AHNAK2: variants seen among roughly 807,000 people sequenced by gnomAD.
AHNAK2 encodes the protein AHNAK nucleoprotein 2, also known as protein AHNAK2.
In AHNAK2, 18 loss-of-function variants were observed where a neutral mutation model predicts 30.7. The ratio of observed to expected loss-of-function variants is 0.59; its 90% CI spans 0.41 to 0.87. The LOEUF is 0.87. Ranked by LOEUF, AHNAK2 falls within the 40% of genes least tolerant of loss-of-function variation. AHNAK2 has a pLI of 0.00. For synonymous variants in AHNAK2, 3,590 were observed against 3,073.8 expected, an observed-to-expected ratio of 1.17 and a Z score of -5.56; for missense variants, 8,604 against 7,373.0, an observed-to-expected ratio of 1.17 and a Z score of -6.11.
At chr14:104,975,275 C>T (rs975396785) in intron 1 of AHNAK2, among the ~76,000 whole-genome samples, 7 of 152,216 alleles carry the variant, frequency 4.6e-5, no homozygotes, top group Admixed American at 4.6e-4. Context: ...CTGAGCCTCA[C>T]CCCCTTCCCT....
chr14:104,970,400 A>G (rs1248194501), intron 1 of AHNAK2: 2 of 984,542 alleles, frequency 2.0e-6, no homozygotes, highest in Non-Finnish European at 2.4e-6. Context: ...GCCCCCACAG[A>G]CCCGCGGAAG....
In AHNAK2 at chr14:104,948,819, T is replaced by A. The variant is rs191861598; in HGVS notation, c.6632A>T (p.Lys2211Met). The A allele has an allele frequency of 1.9e-6, 3 of 1,611,628 alleles. No individual in the cohort carries two copies. The highest frequency in any genetic ancestry group is 1.4e-5 in the African/African-American group (1 of 74,058). Reference sequence around the variant, plus strand: ...CACGTCCACCTGGCCAGCCTGGACCTTCACGTCGGCGGAAAGGGGCTGAAT... The same window carrying A: ...CACGTCCACCTGGCCAGCCTGGACCATCACGTCGGCGGAAAGGGGCTGAAT... ...LSIQPLSADV[K>M]VQAGQVDVKL... The change falls in exon 7 of 7, where the codon AAG (lysine) becomes ATG (methionine). Residue 2211 changes from lysine to methionine, a missense_variant. By Grantham distance (95) the Lys-to-Met change is moderately conservative. Coordinates refer to ENST00000333244, the MANE Select transcript of AHNAK2 (RefSeq NM_138420.4).
Position 104,945,589 on chromosome 14 carries a change from C to T in AHNAK2, c.9862G>A (p.Ala3288Thr). 3 of 1,606,980 alleles carry T rather than the reference C, an allele frequency of 1.9e-6. No homozygotes were observed. Among genetic ancestry groups the T allele is most frequent in the East Asian group, 2.2e-5 (1 of 44,690 alleles). Residue 3288 changes from alanine (A) to threonine (T), a missense_variant, in exon 7 of 7, where the codon GCA (alanine) becomes ACA (threonine). Physicochemically the swap from Ala to Thr is moderately conservative, Grantham distance 58 (BLOSUM62 0). Coordinates refer to ENST00000333244, the MANE Select transcript of AHNAK2 (RefSeq NM_138420.4). Reference protein sequence around the residue: ...VEAPGAKLDGARLEGDLSLAD... With the variant: ...VEAPGAKLDGTRLEGDLSLAD... ...AGGGACAGGTCCCCCTCCAGCCGTG[C>T]ACCATCCAACTTGGCTCCTGGGGCC...
chr14:104,940,307 G>A lies in AHNAK2; in HGVS notation c.15144C>T (p.Ser5048=), dbSNP rs1196088989. ...TACCCCCTGCTGTGGCACTAGAAAG[G>A]GAAGGATCCACGTCTCTCTGTGGCA... ...VSLPQRDVDP[S]LSSATAGGSF... is the part of the protein sequence containing the mutation. The change falls in exon 7 of 7, where the codon TCC becomes TCT. Residue 5048 remains serine, a synonymous_variant. Coordinates refer to ENST00000333244, the MANE Select transcript of AHNAK2 (RefSeq NM_138420.4). This position sits in a 1 kb window ranked among gnomAD's most constrained non-coding sequence, Gnocchi z 4.4. 3 of 1,613,642 alleles carry A rather than the reference G, an allele frequency of 1.9e-6. No homozygotes were observed. Among genetic ancestry groups the A allele is most frequent in the South Asian group, 1.1e-5 (1 of 91,066 alleles).
At position 104,946,529 on chromosome 14, in the gene AHNAK2, T is replaced by C. The variant is rs1190987636; in HGVS notation, c.8922A>G (p.Lys2974=). Residue 2974 remains lysine (K), a synonymous_variant, in exon 7 of 7, where the codon AAA becomes AAG. Transcript: ENST00000333244. ...LSLADKDVTA[K]DSKFKMPKFK... is the part of the protein sequence containing the mutation. The stretch of plus-strand genomic sequence containing the variant: ...ACTTGGGCATTTTGAACTTGCTGTC[T>C]TTGGCAGTCACATCCTTGTCGGCCA... 1 of 1,611,672 alleles carries C rather than the reference T, an allele frequency of 6.2e-7. No homozygotes were observed. The highest frequency in any genetic ancestry group is 8.5e-7 in the Non-Finnish European group (1 of 1,179,296).
rs771396721 is a variant in AHNAK2, at chr14:104,943,889, C to A, written c.11562G>T (p.Gln3854His). The change falls in exon 7 of 7, where the codon CAG becomes CAT. Residue 3854 changes from glutamine (Q) to histidine (H), a missense_variant. By Grantham distance (24) the Gln-to-His change is conservative. Coordinates refer to ENST00000333244, the MANE Select transcript of AHNAK2 (RefSeq NM_138420.4). ...GGACCGTCAGGTCGGCAGAATGGGG[C>A]TGAATGCTGAGGTCAGTGGTCTTGA... is the stretch of plus-strand genomic sequence containing the variant. ...GDLKTTDLSI[Q>H]PHSADLTVQA... 8 of 1,613,170 alleles carry A rather than the reference C, an allele frequency of 5.0e-6. No homozygotes were observed. The East Asian group carries it at 1.6e-4, about 32-fold the overall frequency.
chr14:104,950,341 T>G lies in AHNAK2; in HGVS notation c.5110A>C (p.Thr1704Pro). ...GAAGGGGACTGAATGCTGAGGTCAG[T>G]GGTCTTCAGGTCCCCCTGCATGGAG... is the stretch of plus-strand genomic sequence containing the variant. Reference protein sequence around the residue: ...LPSMQGDLKTTDLSIQSPSAD... With the variant: ...LPSMQGDLKTPDLSIQSPSAD... The change falls in exon 7 of 7, where the codon ACT becomes CCT. Residue 1704 changes from threonine (T) to proline (P), a missense_variant. Transcript: ENST00000333244. 1.3e-6 allele frequency: 2 copies of G among 1,584,816 alleles called. No homozygotes were observed. The highest frequency in any genetic ancestry group is 1.1e-5 in the South Asian group (1 of 89,696).
At position 104,954,384 on chromosome 14, in the gene AHNAK2, A is replaced by G. The variant is rs750980353; in HGVS notation, c.1067T>C (p.Leu356Pro). ...ATCACCCCAGGGCCCCAACTCTTCC[A>G]GGACCCCAGCACGGCCCACCCCACT... Reference protein sequence around the residue: ...FQSGVGRAGVLEELGPWGDSL... With the variant: ...FQSGVGRAGVPEELGPWGDSL... The change falls in exon 7 of 7, where the codon CTG (leucine) becomes CCG (proline). Residue 356 changes from leucine (L) to proline (P), a missense_variant. Physicochemically the swap from Leu to Pro is moderately conservative, Grantham distance 98. Transcript: ENST00000333244. The surrounding 1 kb of genome is among the most constrained non-coding windows in gnomAD (Gnocchi z 4.3). 8.7e-6 allele frequency: 14 copies of G among 1,612,920 alleles called. No individual in the cohort carries two copies. The Admixed American group carries it at 2.3e-4, about 27-fold the overall frequency.
chr14:104,957,371 A>C, intron 3 of AHNAK2, 39 bp downstream of exon 3: 2 of 1,529,944 alleles, frequency 1.3e-6, no homozygotes, highest in Non-Finnish European at 1.8e-6. Flanking sequence ...ATGCAGGAGG[A>C]GACCTGGGTG....
chr14:104,943,109 C>G lies in AHNAK2; in HGVS notation c.12342G>C (p.Gln4114His). 1 of 1,613,316 alleles carries G rather than the reference C, an allele frequency of 6.2e-7. No homozygotes were observed. The highest frequency in any genetic ancestry group is 1.3e-5 in the African/African-American group (1 of 74,866). The change falls in exon 7 of 7, where the codon CAG becomes CAC. Residue 4114 changes from glutamine to histidine, a missense_variant. Physicochemically the swap from Gln to His is conservative, Grantham distance 24 (BLOSUM62 0). Coordinates refer to ENST00000333244, the MANE Select transcript of AHNAK2 (RefSeq NM_138420.4). ...QAPRAKLDGV[Q>H]LEGDLSLADK... ...CGGCCAGGGACAGGTCCCCCTCCAG[C>G]TGCACACCATCCAGCTTTGCTCTCG... is the stretch of plus-strand genomic sequence containing the variant.
At position 104,954,455 on chromosome 14, in the gene AHNAK2, C is replaced by A. The variant is rs759290441; in HGVS notation, c.996G>T (p.Ser332=). Residue 332 remains serine (S), a synonymous_variant, in exon 7 of 7, where the codon TCG becomes TCT. Coordinates refer to ENST00000333244, the MANE Select transcript of AHNAK2 (RefSeq NM_138420.4). This position sits in a 1 kb window ranked among gnomAD's most constrained non-coding sequence, Gnocchi z 4.3. ...KFLNLRFRTG[S]GQGPSSTGQP... ...GTCCTGTCGATGAAGGGCCCTGTCC[C>A]GAGCCTGTCCTGAATCTGAGGTTGA... 23 of 1,612,468 alleles carry A rather than the reference C, an allele frequency of 1.4e-5. No individual in the cohort carries two copies. Among genetic ancestry groups the A allele is most frequent in the Middle Eastern group, 1.6e-4 (1 of 6,084 alleles).
rs370219783 is a variant in AHNAK2 at position 104,940,261 on chromosome 14, C to T, written c.15190G>A (p.Ala5064Thr). The change falls in exon 7 of 7, where the codon GCC becomes ACC. Residue 5064 changes from alanine (A) to threonine (T), a missense_variant. Ala to Thr is a moderately conservative substitution (Grantham distance 58, BLOSUM62 0). Coordinates refer to ENST00000333244, the MANE Select transcript of AHNAK2 (RefSeq NM_138420.4). The surrounding 1 kb of genome is among the most constrained non-coding windows in gnomAD (Gnocchi z 4.4). ...AGGSFQDTEKASSDGGRGGLG... is the reference protein window; with the variant it reads ...AGGSFQDTEKTSSDGGRGGLG... ...CCTCCCCTACCACCGTCACTGCTGG[C>T]CTTTTCTGTGTCTTGAAAGCTACCC... 6.8e-6 allele frequency: 11 copies of T among 1,613,556 alleles called. No homozygotes were observed. Among genetic ancestry groups the T allele is most frequent in the Non-Finnish European group, 6.8e-6 (8 of 1,179,894 alleles).
In AHNAK2 at chr14:104,947,767, G is replaced by C; in HGVS notation, c.7684C>G (p.Leu2562Val). The change falls in exon 7 of 7, where the codon CTC (leucine) becomes GTC (valine). Residue 2562 changes from leucine (L) to valine (V), a missense_variant. Transcript: ENST00000333244. Reference protein sequence around the residue: ...PEGPVPEGAGLKGHLPKVQMP... With the variant: ...PEGPVPEGAGVKGHLPKVQMP... ...TGCACCTTGGGCAGGTGCCCTTTGA[G>C]GCCGGCTCCCTCCGGCACAGGGCCC... The C allele has an allele frequency of 1.2e-6, 2 of 1,612,584 alleles. No individual in the cohort carries two copies. The highest frequency in any genetic ancestry group is 2.2e-5 in the South Asian group (2 of 91,020).
In AHNAK2 at chr14:104,940,978, T is replaced by C. The variant is rs746412923; in HGVS notation, c.14473A>G (p.Thr4825Ala). Reference protein sequence around the residue: ...GSQADIPLPKTECSTDLQPPE... With the variant: ...GSQADIPLPKAECSTDLQPPE... Reference sequence around the variant, plus strand: ...GGCTGCAGGTCAGTGGAGCACTCTGTCTTGGGAAGAGGAATATCAGCCTGA... The same window carrying C: ...GGCTGCAGGTCAGTGGAGCACTCTGCCTTGGGAAGAGGAATATCAGCCTGA... The change falls in exon 7 of 7, where the codon ACA (threonine) becomes GCA (alanine). Residue 4825 changes from threonine to alanine, a missense_variant. Coordinates refer to ENST00000333244, the MANE Select transcript of AHNAK2 (RefSeq NM_138420.4). This position sits in a 1 kb window ranked among gnomAD's most constrained non-coding sequence, Gnocchi z 4.4. The C allele has an allele frequency of 1.2e-6, 2 of 1,613,088 alleles. No homozygotes were observed. Among genetic ancestry groups the C allele is most frequent in the Non-Finnish European group, 1.7e-6 (2 of 1,179,884 alleles).
At chr14:104,959,171 C>CA (rs869062275) in intron 1 of AHNAK2, among the ~76,000 whole-genome samples, 47 of 151,588 alleles carry the variant, frequency 3.1e-4, no homozygotes, top group Non-Finnish European at 5.6e-4. Flanking sequence ...CTCATCTCTA[C>CA]AAAAAAAAAT....
chr14:104,946,510 G>A lies in AHNAK2; in HGVS notation c.8941C>T (p.Pro2981Ser). 1.2e-6 allele frequency: 2 copies of A among 1,612,118 alleles called. No homozygotes were observed. Among genetic ancestry groups the A allele is most frequent in the Non-Finnish European group, 1.7e-6 (2 of 1,179,394 alleles). The change falls in exon 7 of 7, where the codon CCC (proline) becomes TCC (serine). Residue 2981 changes from proline to serine, a missense_variant. Transcript: ENST00000333244. The stretch of plus-strand genomic sequence containing the variant: ...CCGAACGACGGCATCTTGAACTTGG[G>A]CATTTTGAACTTGCTGTCTTTGGCA... ...VTAKDSKFKM[P>S]KFKMPSFGVS...
At chr14:104,970,001 G>A (rs1899428893) in intron 1 of AHNAK2, among the ~76,000 whole-genome samples, 1 of 152,038 alleles carries the variant, frequency 6.6e-6, no homozygotes, top group South Asian at 2.1e-4. Flanking sequence ...CACCAAGCAA[G>A]CACACGGTCA....
At position 104,942,068 on chromosome 14, in the gene AHNAK2, G is replaced by C. The variant is rs1157491066; in HGVS notation, c.13383C>G (p.Ser4461Arg). Residue 4461 changes from serine (S) to arginine (R), a missense_variant, in exon 7 of 7, where the codon AGC becomes AGG. By Grantham distance (110) the Ser-to-Arg change is moderately radical. Transcript: ENST00000333244. ...LADKDVTAKDSKFKMPKFKMP... is the reference protein window; with the variant it reads ...LADKDVTAKDRKFKMPKFKMP... The stretch of plus-strand genomic sequence containing the variant: ...TCTTGAACTTGGGCATTTTGAACTT[G>C]CTGTCTTTGGCAGTCACGTCCTTGT... The C allele has an allele frequency of 1.2e-6, 2 of 1,610,240 alleles. No homozygotes were observed. Among genetic ancestry groups the C allele is most frequent in the East Asian group, 2.2e-5 (1 of 44,610 alleles).
In AHNAK2 at chr14:104,943,285, T is replaced by C; in HGVS notation, c.12166A>G (p.Met4056Val). 6.2e-7 allele frequency: 1 copy of C among 1,612,950 alleles called. No individual in the cohort carries two copies. The highest frequency in any genetic ancestry group is 1.1e-5 in the South Asian group (1 of 91,026). The change falls in exon 7 of 7, where the codon ATG (methionine) becomes GTG (valine). Residue 4056 changes from methionine to valine, a missense_variant. Transcript: ENST00000333244. ...SLKGHLPKVQ[M>V]PSFKMPKVDL... is the part of the protein sequence containing the mutation. ...ACTTTGGGCATCTTGAAACTGGGCA[T>C]CTGCACCTTGGGCAGGTGCCCTTTG...
Sources: gnomAD v4.1 joint callset for allele counts (sites outside exome capture counted in the v4.1 genomes callset) on GRCh38, gnomAD v4.1.1 for gene constraint, Gnocchi (gnomAD v3.1) non-coding constraint, MANE v1.5 for transcripts, NCBI Gene and HGNC (gene_info 2026-07-23, HGNC 2026-07-21) for gene names.